DISC1: variants seen among roughly 807,000 people sequenced by gnomAD.
DISC1 encodes DISC1 scaffold protein.
DISC1 carries 57 observed loss-of-function variants against 84.5 expected under a neutral mutation model. The ratio of observed to expected loss-of-function variants is 0.67; its 90% CI spans 0.55 to 0.84. DISC1 has a LOEUF of 0.84. Ranked by LOEUF, DISC1 falls within the 40% of genes least tolerant of loss-of-function variation. DISC1 has a pLI of 0.00. For synonymous variants in DISC1, 411 were observed against 415.2 expected (o/e 0.99, Z 0.12); for missense variants, 1,000 against 1,057.8 (o/e 0.95, Z 0.76).
chr1:232,021,469 T>G (rs536387525), intron 11 of DISC1, among the ~76,000 whole-genome samples: 1 of 152,232 alleles, frequency 6.6e-6, no homozygotes, highest in African/African-American at 2.4e-5. Context: ...TGGTCACTTG[T>G]TGTAATGTCT....
chr1:231,774,820 CAG>C, intron 6 of DISC1: 2 of 450,620 alleles, frequency 4.4e-6, no homozygotes, highest in Non-Finnish European at 8.9e-6. Context: ...CTCAACAGGT[CAG>C]AGAGATTGCT....
intron 10 of DISC1, among the ~76,000 whole-genome samples, chr1:231,983,300 C>CT (rs1184769554): frequency 6.6e-6 from 1 of 151,580 alleles, no homozygotes; most frequent in Non-Finnish European, 1.5e-5. Context: ...GCTGGGGAAG[C>CT]TGCCCAGACA....
At chr1:231,834,339 G>C (rs373016841) in intron 9 of DISC1, among the ~76,000 whole-genome samples, 1 of 152,052 alleles carries the variant, frequency 6.6e-6, no homozygotes, top group African/African-American at 2.4e-5. Flanking sequence ...AAGACTTAGC[G>C]ACGCTTGGGG....
At chr1:231,742,898 GA>G (rs201361294) in intron 3 of DISC1, among the ~76,000 whole-genome samples, 1 of 150,482 alleles carries the variant, frequency 6.6e-6, no homozygotes, top group Admixed American at 6.6e-5. Context: ...TCTTAAAAAA[GA>G]AAAAAAAAGA....
At position 231,962,854 on chromosome 1, in the gene DISC1, G is replaced by A. The variant is rs190278934; in HGVS notation, c.2042+3966G>A. ...CACCCACCTGGCTGCCTGGGTGGGC[G>A]GGCACCATGGGCTCATGCTGGCTCA... is the stretch of plus-strand genomic sequence containing the variant. On this transcript the variant is annotated intron_variant, in intron 10 of 12. Transcript: ENST00000439617. 4.5e-4 allele frequency among the ~76,000 whole-genome samples: 69 copies of A among 152,202 alleles called. No individual in the cohort carries two copies. The East Asian group carries it at 7.8e-3, about 17-fold the overall frequency.
In DISC1 at chr1:231,626,815, G is replaced by A; in HGVS notation, c.-53G>A. The A allele has an allele frequency of 7.5e-7, 1 of 1,340,442 alleles. No homozygotes were observed. The highest frequency in any genetic ancestry group is 1.6e-5 in the African/African-American group (1 of 64,352). The allele number at this position is 1,340,442 out of a possible 1,614,324, so 83.0% of individuals were successfully genotyped here. On this transcript the variant is annotated 5_prime_UTR_variant, in exon 1 of 13. Transcript: ENST00000439617. The stretch of plus-strand genomic sequence containing the variant: ...CCCTTCCCCCCGCCTCTGGCCTCGG[G>A]GAAGGAGCAGGAGGCAGCCCAGGCG...
chr1:231,716,316 C>CAAAAAAAAAAAAAAAA (rs397861600), intron 3 of DISC1, among the ~76,000 whole-genome samples: 1 of 82,760 alleles, frequency 1.2e-5, no homozygotes, highest in Non-Finnish European at 2.4e-5. Context: ...TTTCAATCTG[C>CAAAAAAAAAAAAAAAA]AAAAAAAAAA....
intron 10 of DISC1, among the ~76,000 whole-genome samples, chr1:231,968,105 T>G (rs1010305237): frequency 6.6e-6 from 1 of 152,222 alleles, no homozygotes; most frequent in Admixed American, 6.5e-5. Flanking sequence ...TTGGTCATTA[T>G]AATACTTTCC....
intron 1 of DISC1, among the ~76,000 whole-genome samples, chr1:231,627,469 C>T (rs954986512): frequency 1.3e-5 from 2 of 152,210 alleles, no homozygotes; most frequent in South Asian, 4.1e-4. Flanking sequence ...CTGTGCCTTC[C>T]CTAGGGGCTG....
At chr1:231,792,105 G>C (rs57832882) in intron 6 of DISC1, among the ~76,000 whole-genome samples, 3 of 152,080 alleles carry the variant, frequency 2.0e-5, no homozygotes, top group African/African-American at 7.2e-5. Context: ...ATATACCCCA[G>C]GGATACAACT....
intron 11 of DISC1, among the ~76,000 whole-genome samples, chr1:232,022,946 ACAGATCTTCT>A (rs1290776156): frequency 6.6e-6 from 1 of 152,172 alleles, no homozygotes; most frequent in East Asian, 1.9e-4. Context: ...AGAATGCCAG[ACAGATCTTCT>A]CTTAGCAAAC....
At chr1:231,958,969 A>G in intron 10 of DISC1, 81 bp downstream of exon 10, 2 of 1,510,998 alleles carry the variant, frequency 1.3e-6, no homozygotes, top group Non-Finnish European at 8.8e-7. Flanking sequence ...TAAATCGATG[A>G]AAAAGGCTGG....
Position 231,861,378 on chromosome 1 carries a change from C to G in DISC1, c.1981+42861C>G, listed in dbSNP as rs182854495. On this transcript the variant is annotated intron_variant, in intron 9 of 12. Coordinates refer to ENST00000439617, the MANE Select transcript of DISC1 (RefSeq NM_018662.3). Reference sequence around the variant, plus strand: ...CTCCTAGCCTCAAGCAATCCTCCCCCACCTTGGCCTCCCAACGTGCTGAGA... The same window carrying G: ...CTCCTAGCCTCAAGCAATCCTCCCCGACCTTGGCCTCCCAACGTGCTGAGA... Among the ~76,000 whole-genome samples the G allele has an allele frequency of 8.0e-3, 1,220 of 151,634 alleles. 20 individuals are homozygous for G. Among genetic ancestry groups the G allele is most frequent in the African/African-American group, 0.028 (1,160 of 41,152 alleles).
At chr1:231,877,721 C>T (rs571049973) in intron 9 of DISC1, among the ~76,000 whole-genome samples, 4 of 152,294 alleles carry the variant, frequency 2.6e-5, no homozygotes, top group East Asian at 3.9e-4. Flanking sequence ...ATTGGTGGAA[C>T]ATATATGTTC....
intron 9 of DISC1, among the ~76,000 whole-genome samples, chr1:231,828,916 C>G (rs1248947382): frequency 5.3e-5 from 8 of 152,118 alleles, no homozygotes; most frequent in Admixed American, 5.2e-4. Flanking sequence ...GCTCAAGTTT[C>G]TGTATATGGG....
intron 8 of DISC1, among the ~76,000 whole-genome samples, chr1:231,811,068 A>G (rs1426080649): frequency 1.3e-5 from 2 of 152,194 alleles, no homozygotes; most frequent in East Asian, 3.9e-4. Flanking sequence ...AAGCTGTTGG[A>G]AAGTTCTGTG....
At chr1:231,997,636 G>A (rs577403266) in intron 10 of DISC1, among the ~76,000 whole-genome samples, 1 of 152,042 alleles carries the variant, frequency 6.6e-6, no homozygotes, top group African/African-American at 2.4e-5. Flanking sequence ...TGCCTGGGAG[G>A]GGGTCAAGCA....
chr1:231,841,409 G>T (rs2083057689), intron 9 of DISC1, among the ~76,000 whole-genome samples: 1 of 152,222 alleles, frequency 6.6e-6, no homozygotes, highest in African/African-American at 2.4e-5. Context: ...AGCATTGCGA[G>T]TCACCCCTCA....
chr1:231,948,861 A>ATTTTTT (rs58931988), intron 9 of DISC1, among the ~76,000 whole-genome samples: 7 of 94,466 alleles, frequency 7.4e-5, no homozygotes, highest in Non-Finnish European at 1.2e-4. Context: ...TCCTGTGTTA[A>ATTTTTT]TTTTTTTTTT....
Sources: gnomAD v4.1 joint callset for allele counts (sites outside exome capture counted in the v4.1 genomes callset) on GRCh38, gnomAD v4.1.1 for gene constraint, MANE v1.5 for transcripts, NCBI Gene and HGNC (gene_info 2026-07-23, HGNC 2026-07-21) for gene names.